Variants in EIF3A observed in about 807,000 individuals in gnomAD.
EIF3A encodes eukaryotic translation initiation factor 3 subunit A.
Under a neutral mutation model 186.6 loss-of-function variants are expected in EIF3A, and 21 were observed. That is an observed-to-expected ratio of 0.11 (90% CI 0.08 to 0.16). The LOEUF (loss-of-function observed/expected upper bound fraction) is 0.16, where lower values mean the gene tolerates loss of function less well. Ranked by LOEUF, EIF3A falls within the 10% of genes least tolerant of loss-of-function variation. The probability of loss-of-function intolerance (pLI) is 1.00; values close to 1 mark genes in which losing one functional copy is unlikely to be tolerated. For synonymous variants in EIF3A, 563 were observed against 584.3 expected (o/e 0.96, Z 0.52); for missense variants, 1,306 against 1,796.3 (o/e 0.73, Z 4.93).
In EIF3A at chr10:119,042,085, A is replaced by G; in HGVS notation, c.3435T>C (p.Asp1145=). 1.9e-6 allele frequency: 3 copies of G among 1,614,180 alleles called. No homozygotes were observed. Among genetic ancestry groups the G allele is most frequent in the African/African-American group, 1.3e-5 (1 of 75,018 alleles). ...DDRGPWRNMD[D]DRLSRRADDD... ...CATCAGCACGTCTTGAAAGGCGATC[A>G]TCATCCATGTTTCTCCAAGGGCCCC... The change falls in exon 19 of 22, where the codon GAT becomes GAC. Residue 1145 remains aspartate (D), a synonymous_variant. Coordinates refer to ENST00000369144, the MANE Select transcript of EIF3A (RefSeq NM_003750.4). This position sits in a 1 kb window ranked among gnomAD's most constrained non-coding sequence, Gnocchi z 7.8.
At chr10:119,074,517 T>C (rs1047950576) in intron 1 of EIF3A, among the ~76,000 whole-genome samples, 1 of 152,024 alleles carries the variant, frequency 6.6e-6, no homozygotes, top group Non-Finnish European at 1.5e-5. Context: ...TCATTAGTTG[T>C]TACCAATAAA....
chr10:119,033,710 AT>A lies in EIF3A; in HGVS notation c.*2328del, dbSNP rs1848086284. 6.0e-6 allele frequency: 1 copy of A among 166,872 alleles called. No homozygotes were observed. Among genetic ancestry groups the A allele is most frequent in the African/African-American group, 2.4e-5 (1 of 41,462 alleles). The allele number at this position is 166,872 out of a possible 1,614,324, so 10.3% of individuals were successfully genotyped here. On this transcript the variant is annotated 3_prime_UTR_variant, in exon 22 of 22. Transcript: ENST00000369144. ...GATTTATTAAACCAAAATTATACAT[AT>A]TAAAATTATATCACAAATATATATG...
intron 19 of EIF3A, among the ~76,000 whole-genome samples, chr10:119,040,355 A>G (rs985098918): frequency 6.6e-6 from 1 of 152,228 alleles, no homozygotes; most frequent in Non-Finnish European, 1.5e-5. Context: ...AGGATGAAAC[A>G]GAGACAAAAC....
chr10:119,038,268 A>G lies in EIF3A; in HGVS notation c.3698T>C (p.Val1233Ala). The G allele has an allele frequency of 2.5e-6, 4 of 1,614,052 alleles. No homozygotes were observed. The highest frequency in any genetic ancestry group is 3.4e-6 in the Non-Finnish European group (4 of 1,179,966). Reference sequence around the variant, plus strand: ...TCTTCTGAAGCGATCCTCTCGATCCACATCTCTCTCTCTGTCCCTTTCTCT... The same window carrying G: ...TCTTCTGAAGCGATCCTCTCGATCCGCATCTCTCTCTCTGTCCCTTTCTCT... ...PERERDRERD[V>A]DREDRFRRPR... The change falls in exon 20 of 22, where the codon GTG becomes GCG. Residue 1233 changes from valine (V) to alanine (A), a missense_variant. Transcript: ENST00000369144.
At chr10:119,060,630 C>A in intron 9 of EIF3A, 116 bp downstream of exon 9, 1 of 620,274 alleles carries the variant, frequency 1.6e-6, no homozygotes, top group Non-Finnish European at 2.7e-6. Flanking sequence ...CTAATTTTTG[C>A]CAGGGGCAGA....
At chr10:119,055,562 A>G (rs1848414199) in intron 14 of EIF3A, among the ~76,000 whole-genome samples, 2 of 152,088 alleles carry the variant, frequency 1.3e-5, no homozygotes, top group South Asian at 4.1e-4. Flanking sequence ...AGAAGAAATA[A>G]GAATAAAAAT....
intron 21 of EIF3A, 75 bp downstream of exon 21, chr10:119,037,044 A>T: frequency 1.0e-6 from 1 of 975,514 alleles, no homozygotes; most frequent in Non-Finnish European, 1.5e-6. Flanking sequence ...TTTATGATAT[A>T]ATTAAATAAC....
Position 119,033,760 on chromosome 10 carries a change from TA to T in EIF3A, c.*2278del, listed in dbSNP as rs1270198968. ...TGCTTCCAGACAAAGAAAAGTTTGTTAGTCCTGATTTTCTAATCGTAGCCAC... is the reference window on the plus strand; with the variant it reads ...TGCTTCCAGACAAAGAAAAGTTTGTTGTCCTGATTTTCTAATCGTAGCCAC... On this transcript the variant is annotated 3_prime_UTR_variant, in exon 22 of 22. Coordinates refer to ENST00000369144, the MANE Select transcript of EIF3A (RefSeq NM_003750.4). The T allele has an allele frequency of 6.0e-6, 1 of 167,042 alleles. No individual in the cohort carries two copies. The highest frequency in any genetic ancestry group is 1.5e-5 in the Non-Finnish European group (1 of 68,118). The allele number at this position is 167,042 out of a possible 1,614,324, so 10.3% of individuals were successfully genotyped here. A position where few individuals can be genotyped will look rare whatever the true frequency, so the allele number is the denominator to read the frequency against.
At chr10:119,060,539 A>C (rs2119819534) in intron 9 of EIF3A, among the ~76,000 whole-genome samples, 1 of 152,346 alleles carries the variant, frequency 6.6e-6, no homozygotes, top group African/African-American at 2.4e-5. Context: ...ATGCCCAAAG[A>C]CAGTGTTCAG....
chr10:119,076,210 G>GT (rs1376483162), intron 1 of EIF3A, among the ~76,000 whole-genome samples: 2 of 151,060 alleles, frequency 1.3e-5, no homozygotes, highest in Non-Finnish European at 1.5e-5. Context: ...ATGCACGCCC[G>GT]TAATCCTAGC....
At position 119,053,631 on chromosome 10, in the gene EIF3A, G is replaced by A. The variant is rs141103337; in HGVS notation, c.2197-2310C>T. On this transcript the variant is annotated intron_variant, in intron 14 of 21. Transcript: ENST00000369144. ...TCGCAGCTACTCAGGAGGCTGAAGT[G>A]GGCACTTGAGCCCAGGGGGTAGATA... 9.0e-3 allele frequency among the ~76,000 whole-genome samples: 1,359 copies of A among 151,662 alleles called. 11 individuals are homozygous for A. The highest frequency in any genetic ancestry group is 0.014 in the Middle Eastern group (4 of 288).
In EIF3A at chr10:119,034,301, G is replaced by C. The variant is rs1848098299; in HGVS notation, c.*1738C>G. 1 of 166,666 alleles carries C rather than the reference G, an allele frequency of 6.0e-6. No individual in the cohort carries two copies. Among genetic ancestry groups the C allele is most frequent in the African/African-American group, 2.4e-5 (1 of 41,432 alleles). 10.3% of individuals were successfully genotyped at this position (166,666 alleles called of 1,614,324 possible). A position where few individuals can be genotyped will look rare whatever the true frequency, so the allele number is the denominator to read the frequency against. ...TACGGGAGACTGAGCAGAAAGGATG[G>C]GTTTGCTGACTCGCCTTGAAATCTA... On this transcript the variant is annotated 3_prime_UTR_variant, in exon 22 of 22. Coordinates refer to ENST00000369144, the MANE Select transcript of EIF3A (RefSeq NM_003750.4).
At chr10:119,037,660 G>A (rs547782024) in intron 20 of EIF3A, among the ~76,000 whole-genome samples, 6 of 152,202 alleles carry the variant, frequency 3.9e-5, no homozygotes, top group Admixed American at 1.3e-4. Context: ...AAATTGCATC[G>A]AACACTGCTG....
intron 17 of EIF3A, among the ~76,000 whole-genome samples, chr10:119,045,879 G>C (rs1440905286): frequency 6.6e-6 from 1 of 152,154 alleles, no homozygotes; most frequent in Admixed American, 6.5e-5. Flanking sequence ...GCAGATCCAA[G>C]AGCAGAATGG....
Position 119,036,279 on chromosome 10 carries a change from T to A in EIF3A, c.3920-11A>T. ...GTCTCCAAGAACTTACTAAAAAGTT[T>A]AATTAAAAAAAAAAAATTAAGTTAG... On this transcript the variant is annotated splice_polypyrimidine_tract_variant and intron_variant, in intron 21 of 21. Transcript: ENST00000369144. 6.3e-7 allele frequency: 1 copy of A among 1,580,414 alleles called. No individual in the cohort carries two copies. The highest frequency in any genetic ancestry group is 1.8e-5 in the Admixed American group (1 of 54,826).
At chr10:119,062,296 C>G (rs1843901245) in intron 7 of EIF3A, among the ~76,000 whole-genome samples, 1 of 152,150 alleles carries the variant, frequency 6.6e-6, no homozygotes, top group South Asian at 2.1e-4. Flanking sequence ...ATGTGAAAGG[C>G]TGCCATAATC....
At chr10:119,068,995 A>AG (rs1452851306) in intron 6 of EIF3A, among the ~76,000 whole-genome samples, 1 of 151,582 alleles carries the variant, frequency 6.6e-6, no homozygotes, top group Non-Finnish European at 1.5e-5. Context: ...AAAAAAGAAA[A>AG]GGAAAAAAAA....
At chr10:119,040,289 G>A (rs1199036653) in intron 19 of EIF3A, among the ~76,000 whole-genome samples, 2 of 152,192 alleles carry the variant, frequency 1.3e-5, no homozygotes, top group Admixed American at 6.5e-5. Context: ...GAATGGAGAG[G>A]AGGGTGGATT....
intron 1 of EIF3A, among the ~76,000 whole-genome samples, chr10:119,076,948 A>AAG (rs1305659174): frequency 6.6e-6 from 1 of 151,506 alleles, no homozygotes; most frequent in Admixed American, 6.6e-5. Flanking sequence ...AAAAAAAAAA[A>AAG]AAAAAGAAAA....
Sources: gnomAD v4.1 joint callset for allele counts (sites outside exome capture counted in the v4.1 genomes callset) on GRCh38, gnomAD v4.1.1 for gene constraint, Gnocchi (gnomAD v3.1) non-coding constraint, MANE v1.5 for transcripts, NCBI Gene and HGNC (gene_info 2026-07-23, HGNC 2026-07-21) for gene names.